INTS3: variants seen among roughly 807,000 people sequenced by gnomAD.
INTS3 encodes integrator complex subunit 3.
Under a neutral mutation model 146.3 loss-of-function variants are expected in INTS3, and 34 were observed. That is an observed-to-expected ratio of 0.23 (90% CI 0.18 to 0.31). INTS3 has a LOEUF of 0.31. Among genes scored for constraint, INTS3 ranks in the 10% least tolerant of loss-of-function variants. The pLI, the probability that INTS3 is intolerant of heterozygous loss-of-function variation, is 1.00. For synonymous variants in INTS3, 475 were observed against 494.9 expected, an observed-to-expected ratio of 0.96 and a Z score of 0.53; for missense variants, 757 against 1,304.2, an observed-to-expected ratio of 0.58 and a Z score of 6.46.
chr1:153,772,290 C>T lies in INTS3; in HGVS notation c.2721-50C>T, dbSNP rs751783131. 1.3e-6 allele frequency: 2 copies of T among 1,592,512 alleles called. No individual in the cohort carries two copies. The highest frequency in any genetic ancestry group is 2.3e-5 in the South Asian group (2 of 87,800). On this transcript the variant is annotated intron_variant, in intron 26 of 29. Transcript: ENST00000318967. This position sits in a 1 kb window ranked among gnomAD's most constrained non-coding sequence, Gnocchi z 4.6. ...CCTGGCGGGTGGAGGGTGTCTCGCA[C>T]TCTGGAACCCTCCCACACTCAGACT...
intron 5 of INTS3, chr1:153,747,688 G>A (rs1671800195): frequency 2.8e-6 from 1 of 361,172 alleles, no homozygotes; most frequent in South Asian, 3.6e-5. Context: ...AGAGAAGTGA[G>A]GGCAATTAAT....
chr1:153,760,949 T>C (rs956152000), intron 13 of INTS3, 31 bp downstream of exon 13: 2 of 1,599,520 alleles, frequency 1.3e-6, no homozygotes, highest in African/African-American at 2.7e-5. Context: ...AGGAGGTTGT[T>C]TTCCCATTTT....
At position 153,741,363 on chromosome 1, in the gene INTS3, C is replaced by G; in HGVS notation, c.313C>G (p.Gln105Glu). Reference protein sequence around the residue: ...TLILTEPAQAQKCYRDLALVS... With the variant: ...TLILTEPAQAEKCYRDLALVS... ...CATCCTCACTGAACCTGCCCAAGCCCAGAAGGTAAGGCACCCTGCTCTGGA... is the reference window on the plus strand; with the variant it reads ...CATCCTCACTGAACCTGCCCAAGCCGAGAAGGTAAGGCACCCTGCTCTGGA... The change falls in exon 3 of 30, where the codon CAG becomes GAG. Residue 105 changes from glutamine to glutamate, a missense_variant. By Grantham distance (29) the Gln-to-Glu change is conservative (BLOSUM62 2). Around this residue, in one of 8 missense-constraint regions of INTS3, gnomAD observed 160 missense variants for 193.7 expected, o/e 0.83. Transcript: ENST00000318967. 6.2e-7 allele frequency: 1 copy of G among 1,612,604 alleles called. No homozygotes were observed.
chr1:153,740,624 T>C, intron 1 of INTS3, 27 bp from the exon 2 acceptor site: 1 of 1,563,652 alleles, frequency 6.4e-7, no homozygotes, highest in Non-Finnish European at 8.8e-7. Context: ...TATGACACAC[T>C]GTTCATTTTT....
At position 153,763,865 on chromosome 1, in the gene INTS3, A is replaced by C; in HGVS notation, c.1800A>C (p.Glu600Asp). The C allele has an allele frequency of 1.9e-6, 3 of 1,613,946 alleles. 1 individual carries two copies. The South Asian group carries it at 3.3e-5, about 18-fold the overall frequency. Residue 600 changes from glutamate (E) to aspartate (D), a missense_variant, in exon 17 of 30, where the codon GAA (glutamate) becomes GAC (aspartate). This residue lies in a region of INTS3 where 89 missense variants were observed against 210.9 expected (regional missense o/e 0.42). Coordinates refer to ENST00000318967, the MANE Select transcript of INTS3 (RefSeq NM_023015.5). ...DTEAQCEVMQ[E>D]IVDQVLEEDF... ...AGGCCCAGTGTGAGGTCATGCAGGA[A>C]ATTGTGGACCAGGTCCTGGAGGTGA...
At position 153,752,400 on chromosome 1, in the gene INTS3, A is replaced by G. The variant is rs767030295; in HGVS notation, c.851A>G (p.Gln284Arg). 1 of 1,611,018 alleles carries G rather than the reference A, an allele frequency of 6.2e-7. No homozygotes were observed. Among genetic ancestry groups the G allele is most frequent in the South Asian group, 1.1e-5 (1 of 90,368 alleles). ...CATAATCCTCAGGCCTTGAGTCCTC[A>G]GTTCACAGGTAAGTAGGGTCTTAGG... ...IIHNPQALSP[Q>R]FTGILQLLQS... Residue 284 changes from glutamine to arginine, a missense_variant, in exon 8 of 30, where the codon CAG (glutamine) becomes CGG (arginine). Gln to Arg is a conservative substitution (Grantham distance 43, BLOSUM62 1). Coordinates refer to ENST00000318967, the MANE Select transcript of INTS3 (RefSeq NM_023015.5).
intron 18 of INTS3, 73 bp from the exon 19 acceptor site, chr1:153,764,617 C>A: frequency 9.0e-7 from 1 of 1,106,058 alleles, no homozygotes; most frequent in Non-Finnish European, 1.4e-6. Flanking sequence ...TGGTGTCTAG[C>A]CTCCAGCTGG....
intron 10 of INTS3, among the ~76,000 whole-genome samples, chr1:153,758,775 G>T (rs1672260403): frequency 6.6e-6 from 1 of 150,592 alleles, no homozygotes; most frequent in African/African-American, 2.5e-5. Context: ...TCCAGCCTGG[G>T]TGACAGAGTC....
intron 17 of INTS3, 42 bp downstream of exon 17, chr1:153,763,928 C>T: frequency 6.3e-7 from 1 of 1,576,970 alleles, no homozygotes; most frequent in Non-Finnish European, 8.7e-7. Flanking sequence ...GCAGCCTAGC[C>T]TGCTTAGCTT....
intron 21 of INTS3, 107 bp downstream of exon 21, chr1:153,767,934 C>G: frequency 5.4e-6 from 6 of 1,105,524 alleles, no homozygotes; most frequent in Non-Finnish European, 7.4e-6. Flanking sequence ...TCCCCACTAA[C>G]CTAGGTGGGC....
chr1:153,763,290 T>G lies in INTS3; in HGVS notation c.1694T>G (p.Val565Gly). 1 of 1,614,130 alleles carries G rather than the reference T, an allele frequency of 6.2e-7. No individual in the cohort carries two copies. Among genetic ancestry groups the G allele is most frequent in the Non-Finnish European group, 8.5e-7 (1 of 1,179,972 alleles). ...PIKETVVEEP[V>G]DITPYLDQLD... Reference sequence around the variant, plus strand: ...AAGGAGACAGTTGTGGAGGAGCCAGTTGATATCACCCCTTACCTTGACCAG... The same window carrying G: ...AAGGAGACAGTTGTGGAGGAGCCAGGTGATATCACCCCTTACCTTGACCAG... Residue 565 changes from valine (V) to glycine (G), a missense_variant, in exon 16 of 30, where the codon GTT becomes GGT. Val to Gly is a moderately radical substitution (Grantham distance 109). Around this residue, in one of 8 missense-constraint regions of INTS3, gnomAD observed 89 missense variants for 210.9 expected, o/e 0.42. Transcript: ENST00000318967.
At chr1:153,768,089 T>C (rs1284551128) in intron 21 of INTS3, among the ~76,000 whole-genome samples, 1 of 152,206 alleles carries the variant, frequency 6.6e-6, no homozygotes, top group Non-Finnish European at 1.5e-5. Flanking sequence ...CTTCTCAGAT[T>C]GGGCCCCATC....
chr1:153,754,842 G>C, intron 9 of INTS3, 103 bp downstream of exon 9: 1 of 790,472 alleles, frequency 1.3e-6, no homozygotes, highest in Non-Finnish European at 2.3e-6. Context: ...GTAGAATGGT[G>C]GCTAAATGAT....
chr1:153,761,794 A>G, intron 14 of INTS3, 118 bp downstream of exon 14: 2 of 602,944 alleles, frequency 3.3e-6, no homozygotes, highest in South Asian at 2.1e-5. Context: ...GACACTGTCC[A>G]TCACAGTTTT....
At chr1:153,771,244 G>A (rs908239957) in intron 25 of INTS3, among the ~76,000 whole-genome samples, 21 of 152,194 alleles carry the variant, frequency 1.4e-4, no homozygotes, top group Non-Finnish European at 2.4e-4. Flanking sequence ...AACATCCCCC[G>A]ATAAATGGGG....
chr1:153,770,767 A>G (rs2101831446), intron 25 of INTS3, 34 bp downstream of exon 25: 1 of 1,542,158 alleles, frequency 6.5e-7, no homozygotes, highest in Non-Finnish European at 9.0e-7. Context: ...TTAGCCCTCA[A>G]TTTTAACATC....
At chr1:153,771,238 T>TC (rs1054093459) in intron 25 of INTS3, among the ~76,000 whole-genome samples, 11 of 152,112 alleles carry the variant, frequency 7.2e-5, no homozygotes, top group Non-Finnish European at 1.0e-4. Flanking sequence ...TTTAGCAACA[T>TC]CCCCCGATAA....
At chr1:153,736,119 C>T (rs1337854415) in intron 1 of INTS3, among the ~76,000 whole-genome samples, 1 of 152,176 alleles carries the variant, frequency 6.6e-6, no homozygotes, top group East Asian at 1.9e-4. Flanking sequence ...CTAGGTAATA[C>T]TGGATCTCAG....
chr1:153,759,835 A>G (rs1177300473), intron 11 of INTS3: 2 of 570,186 alleles, frequency 3.5e-6, no homozygotes, highest in Non-Finnish European at 6.2e-6. Flanking sequence ...TTCAGGATGC[A>G]TGGTCTTCAG....
Sources: gnomAD v4.1 joint callset for allele counts (sites outside exome capture counted in the v4.1 genomes callset) on GRCh38, gnomAD v4.1.1 for gene constraint, gnomAD v4.1.1 regional missense constraint, Gnocchi (gnomAD v3.1) non-coding constraint, MANE v1.5 for transcripts, NCBI Gene and HGNC (gene_info 2026-07-23, HGNC 2026-07-21) for gene names.